Variants in FAM149A observed in about 807,000 individuals in gnomAD.
The protein encoded by FAM149A is protein FAM149A.
In FAM149A, 71 loss-of-function variants were observed where a neutral mutation model predicts 78.2. That is an observed-to-expected ratio of 0.91 (90% CI 0.75 to 1.11). The LOEUF (loss-of-function observed/expected upper bound fraction) is 1.11. Ranked by LOEUF, FAM149A falls within the 50% of genes least tolerant of loss-of-function variation. The pLI, the probability that FAM149A is intolerant of heterozygous loss-of-function variation, is 0.00. For synonymous variants in FAM149A, 446 were observed against 410.5 expected (o/e 1.09, Z -1.04); for missense variants, 1,036 against 971.0 (o/e 1.07, Z -0.89).
Position 186,157,635 on chromosome 4 carries a change from T to G in FAM149A, c.1491T>G (p.Ala497=). The G allele has an allele frequency of 1.9e-6, 3 of 1,614,156 alleles. No individual in the cohort carries two copies. Among genetic ancestry groups the G allele is most frequent in the Non-Finnish European group, 2.5e-6 (3 of 1,179,990 alleles). Residue 497 remains alanine (A), a synonymous_variant, in exon 8 of 14, where the codon GCT becomes GCG. Coordinates refer to ENST00000389354, the MANE Select transcript of FAM149A (RefSeq NM_001367768.3). ...TTCCGCACGTCCTCGTTCCACACGCTCACGCCGATGGAGCCAGTGGCCCCC... is the reference window on the plus strand; with the variant it reads ...TTCCGCACGTCCTCGTTCCACACGCGCACGCCGATGGAGCCAGTGGCCCCC...
intron 1 of FAM149A, chr4:186,127,144 C>T (rs2099318659): frequency 3.0e-6 from 3 of 985,010 alleles, no homozygotes; most frequent in African/African-American, 1.7e-5. Context: ...CTGCACGGGC[C>T]AACAGGAGCA....
Position 186,144,691 on chromosome 4 carries a change from G to GC in FAM149A, c.567-4481dup, listed in dbSNP as rs1422903399. 2 of 531,406 alleles carry GC rather than the reference G, an allele frequency of 3.8e-6. No individual in the cohort carries two copies. The highest frequency in any genetic ancestry group is 4.1e-5 in the African/African-American group (2 of 48,620). 32.9% of individuals were successfully genotyped at this position (531,406 alleles called of 1,614,324 possible). On this transcript the variant is annotated intron_variant, in intron 1 of 13. Transcript: ENST00000389354. This position sits in a 1 kb window ranked among gnomAD's most constrained non-coding sequence, Gnocchi z 4.2. The stretch of plus-strand genomic sequence containing the variant: ...GGTTGGAAACCCGGCCCGGCAGGGA[G>GC]CGGGGAAGGCGCGCTTTCCCGGAGG...
chr4:186,156,241 C>T (rs762037425), intron 7 of FAM149A, 51 bp downstream of exon 7: 7 of 1,478,406 alleles, frequency 4.7e-6, no homozygotes, highest in African/African-American at 1.4e-5. Flanking sequence ...CCCTGTTCTT[C>T]GGCCCTGGGC....
At position 186,105,237 on chromosome 4, in the gene FAM149A, T is replaced by C. The variant is rs1561379594; in HGVS notation, c.161T>C (p.Leu54Pro). ...ACCCCGTTGGGTACCGCCCCGACCC[T>C]CCTCCGCGCCCTGGCTCCGGACTCC... The change falls in exon 1 of 14, where the codon CTC (leucine) becomes CCC (proline). Residue 54 changes from leucine to proline, a missense_variant. Physicochemically the swap from Leu to Pro is moderately conservative, Grantham distance 98 (BLOSUM62 -3). Transcript: ENST00000389354. The C allele has an allele frequency of 1.6e-6, 2 of 1,239,258 alleles. No individual in the cohort carries two copies. Among genetic ancestry groups the C allele is most frequent in the South Asian group, 2.6e-5 (2 of 75,850 alleles). The allele number at this position is 1,239,258 out of a possible 1,614,324, so 76.8% of individuals were successfully genotyped here.
chr4:186,130,293 C>CTCTCTCTCTCTCTCTCTCTATATATA lies in FAM149A; in HGVS notation c.567-18879_567-18878insCTCTCTCTCTCTCTCTCTATATATAT. The CTCTCTCTCTCTCTCTCTCTATATATA allele has an allele frequency of 2.3e-3, 106 of 46,540 alleles. 1 individual carries two copies. The highest frequency in any genetic ancestry group is 5.4e-3 in the East Asian group (7 of 1,298). The allele number at this position is 46,540 out of a possible 1,614,324, so 2.9% of individuals were successfully genotyped here. On this transcript the variant is annotated intron_variant, in intron 1 of 13. Transcript: ENST00000389354. ...TCTCTCTCTCTCTCTCTCTCTCTCT[C>CTCTCTCTCTCTCTCTCTCTATATATA]TATATATATATATATATATATAATC...
chr4:186,162,821 T>TTC, intron 8 of FAM149A, 24 bp from the exon 9 acceptor site: 1 of 909,788 alleles, frequency 1.1e-6, no homozygotes, highest in East Asian at 2.7e-5. Context: ...TTTTTTTTTT[T>TTC]TTTTTTTTTT....
chr4:186,123,045 G>A (rs2099316758), intron 1 of FAM149A, among the ~76,000 whole-genome samples: 1 of 152,180 alleles, frequency 6.6e-6, no homozygotes, highest in Non-Finnish European at 1.5e-5. Context: ...GTTTAATTTT[G>A]TTACAAGGGA....
intron 1 of FAM149A, among the ~76,000 whole-genome samples, chr4:186,136,936 ATCTCTCTCTCTCTCTC>A (rs142934788): frequency 3.4e-5 from 3 of 88,162 alleles, no homozygotes; most frequent in South Asian, 3.7e-4. Flanking sequence ...ACACTGATTG[ATCTCTCTCTCTCTCTC>A]TCTCTCTCTC....
chr4:186,156,353 C>T (rs563753051), intron 7 of FAM149A, among the ~76,000 whole-genome samples, 163 bp downstream of exon 7: 64 of 151,540 alleles, frequency 4.2e-4, no homozygotes, highest in African/African-American at 1.5e-3. Flanking sequence ...TCAAAAAGGA[C>T]GCTATTGTTT....
At chr4:186,149,328 G>C (rs755593709) in intron 2 of FAM149A, 45 bp downstream of exon 2, 1 of 1,266,458 alleles carries the variant, frequency 7.9e-7, no homozygotes, top group Non-Finnish European at 1.0e-6. Flanking sequence ...CAAAATGCCC[G>C]TAACAAATGT....
chr4:186,144,908 G>A lies in FAM149A; in HGVS notation c.567-4265G>A, dbSNP rs1370069076. ...CCCCGGGCGCGCCCGGGCCGCCTGA[G>A]CTGGGCCAGCCGCGCGGCGGGCGCG... On this transcript the variant is annotated intron_variant, in intron 1 of 13. Coordinates refer to ENST00000389354, the MANE Select transcript of FAM149A (RefSeq NM_001367768.3). The surrounding 1 kb of genome is among the most constrained non-coding windows in gnomAD (Gnocchi z 4.2). 2.1e-6 allele frequency: 2 copies of A among 969,020 alleles called. No homozygotes were observed. Among genetic ancestry groups the A allele is most frequent in the East Asian group, 1.2e-4 (1 of 8,212 alleles). The allele number at this position is 969,020 out of a possible 1,614,324, so 60.0% of individuals were successfully genotyped here.
intron 1 of FAM149A, chr4:186,125,553 T>C: frequency 8.3e-6 from 3 of 361,856 alleles, no homozygotes; most frequent in East Asian, 1.7e-4. Context: ...GGGATGTCAA[T>C]GCAGTGAAAT....
chr4:186,159,625 T>C (rs1734350361), intron 8 of FAM149A, among the ~76,000 whole-genome samples: 4 of 152,130 alleles, frequency 2.6e-5, no homozygotes, highest in Admixed American at 2.6e-4. Flanking sequence ...GTCCAAGGGA[T>C]TATTGTGAGG....
At position 186,105,371 on chromosome 4, in the gene FAM149A, A is replaced by G. The variant is rs746443073; in HGVS notation, c.295A>G (p.Ser99Gly). 32 of 1,187,922 alleles carry G rather than the reference A, an allele frequency of 2.7e-5. 1 individual carries two copies. In the South Asian group the frequency reaches 4.9e-4, roughly 18 times the overall value. The allele number at this position is 1,187,922 out of a possible 1,614,324, so 73.6% of individuals were successfully genotyped here. A position where few individuals can be genotyped will look rare whatever the true frequency, so the allele number is the denominator to read the frequency against. ...AGTGGGGACCCTGCTCTCTTGGCCC[A>G]GTAGCCCTAGAGCGGGTAAAGCCCC... is the stretch of plus-strand genomic sequence containing the variant. The change falls in exon 1 of 14, where the codon AGT becomes GGT. Residue 99 changes from serine to glycine, a missense_variant. Physicochemically the swap from Ser to Gly is moderately conservative, Grantham distance 56 (BLOSUM62 0). Transcript: ENST00000389354.
intron 6 of FAM149A, 26 bp downstream of exon 6, chr4:186,154,664 AC>A: frequency 6.3e-7 from 1 of 1,589,312 alleles, no homozygotes; most frequent in Non-Finnish European, 8.6e-7. Flanking sequence ...TTTGACATTG[AC>A]CTCATAAAAT....
intron 13 of FAM149A, among the ~76,000 whole-genome samples, chr4:186,168,262 T>C (rs2126549866): frequency 6.6e-6 from 1 of 152,342 alleles, no homozygotes; most frequent in East Asian, 1.9e-4. Context: ...TTGCTTTTCT[T>C]GTATGTTCCT....
intron 1 of FAM149A, chr4:186,132,251 C>T (rs1450689530): frequency 1.0e-6 from 1 of 978,320 alleles, no homozygotes; most frequent in African/African-American, 1.8e-5. Flanking sequence ...GACAAAATTA[C>T]AGCAAATTTA....
At chr4:186,157,456 T>C (rs1734129919) in intron 7 of FAM149A, 109 bp from the exon 8 acceptor site, 1 of 1,130,216 alleles carries the variant, frequency 8.8e-7, no homozygotes, top group Non-Finnish European at 1.3e-6. Flanking sequence ...GGCCGTAGCA[T>C]GGGCTCGTGG....
rs76127763 is a variant in FAM149A, at chr4:186,165,314, G to A, written c.1890-30G>A. The A allele has an allele frequency of 4.4e-3, 7,051 of 1,613,430 alleles. 279 individuals carry two copies. In the African/African-American group the frequency reaches 0.08, roughly 18 times the overall value. Reference sequence around the variant, plus strand: ...CACTTGCCAGTTATCCATGTACCTGGGTGCTCAGTGACATGATGATGTGTT... The same window carrying A: ...CACTTGCCAGTTATCCATGTACCTGAGTGCTCAGTGACATGATGATGTGTT... On this transcript the variant is annotated intron_variant, in intron 10 of 13. Coordinates refer to ENST00000389354, the MANE Select transcript of FAM149A (RefSeq NM_001367768.3).
Sources: allele counts gnomAD v4.1 joint callset (sites outside exome capture counted in the v4.1 genomes callset), GRCh38; gene constraint gnomAD v4.1.1; non-coding constraint Gnocchi (gnomAD v3.1); transcripts MANE v1.5; gene names NCBI Gene and HGNC (gene_info 2026-07-23, HGNC 2026-07-21).